Variants in KCNH7 observed in about 807,000 individuals in gnomAD.
KCNH7 encodes potassium voltage-gated channel subfamily H member 7, also known as voltage-gated inwardly rectifying potassium channel KCNH7.
KCNH7 carries 49 observed loss-of-function variants against 120.8 expected under a neutral mutation model. The observed-to-expected ratio is 0.41, with a 90% CI of 0.32 to 0.51. The LOEUF (loss-of-function observed/expected upper bound fraction) is 0.51. KCNH7 is among the 20% of genes least tolerant of loss of function. The probability of loss-of-function intolerance (pLI) is 0.38; values close to 1 mark genes in which losing one functional copy is unlikely to be tolerated. For missense variants in KCNH7, 1,097 were observed against 1,446.6 expected, an observed-to-expected ratio of 0.76 and a Z score of 3.92; for synonymous variants, 547 against 516.1, an observed-to-expected ratio of 1.06 and a Z score of -0.81.
intron 9 of KCNH7, among the ~76,000 whole-genome samples, chr2:162,405,579 T>A (rs1424755292): frequency 6.6e-6 from 1 of 151,972 alleles, no homozygotes; most frequent in Non-Finnish European, 1.5e-5. Context: ...TGGCATACAA[T>A]TATAATATTG....
chr2:162,663,934 A>C (rs1354467564), intron 2 of KCNH7, among the ~76,000 whole-genome samples: 1 of 152,154 alleles, frequency 6.6e-6, no homozygotes, highest in Non-Finnish European at 1.5e-5. Flanking sequence ...CAAATCTGCA[A>C]TATTTTCTGT....
At chr2:162,625,867 C>T (rs1415077408) in intron 2 of KCNH7, among the ~76,000 whole-genome samples, 1 of 152,060 alleles carries the variant, frequency 6.6e-6, no homozygotes, top group Non-Finnish European at 1.5e-5. Flanking sequence ...AGTCTTTGGT[C>T]ACCTGGGGGA....
In KCNH7 at chr2:162,820,450, G is replaced by A. The variant is rs967171737; in HGVS notation, c.307+16087C>T. ...AGTCAACAGGAAAATAGGCAATTAGGTGTGAAAGGTATAATTCCTTATACC... is the reference window on the plus strand; with the variant it reads ...AGTCAACAGGAAAATAGGCAATTAGATGTGAAAGGTATAATTCCTTATACC... On this transcript the variant is annotated intron_variant, in intron 2 of 15. Coordinates refer to ENST00000332142, the MANE Select transcript of KCNH7 (RefSeq NM_033272.4). 2.0e-5 allele frequency among the ~76,000 whole-genome samples: 3 copies of A among 151,994 alleles called. No individual in the cohort carries two copies. The East Asian group carries it at 5.8e-4, about 29-fold the overall frequency.
intron 2 of KCNH7, among the ~76,000 whole-genome samples, chr2:162,819,385 G>A (rs756882922): frequency 2.0e-5 from 3 of 152,152 alleles, no homozygotes; most frequent in Non-Finnish European, 2.9e-5. Context: ...AAATAGCAAT[G>A]TGTATACACA....
At chr2:162,613,347 T>G in intron 2 of KCNH7, among the ~76,000 whole-genome samples, 1 of 151,962 alleles carries the variant, frequency 6.6e-6, no homozygotes, top group East Asian at 1.9e-4. Context: ...AAAGAAAATA[T>G]TGTCACATAG....
intron 2 of KCNH7, among the ~76,000 whole-genome samples, chr2:162,753,753 C>A (rs1455340994): frequency 6.6e-6 from 1 of 152,050 alleles, no homozygotes; most frequent in Non-Finnish European, 1.5e-5. Context: ...CCCTTCTTTG[C>A]TGTAAGATTT....
chr2:162,712,938 G>C (rs1270887325), intron 2 of KCNH7, among the ~76,000 whole-genome samples: 1 of 152,154 alleles, frequency 6.6e-6, no homozygotes, highest in South Asian at 2.1e-4. Context: ...TAGCTACCTG[G>C]CTGTAATCAC....
intron 2 of KCNH7, among the ~76,000 whole-genome samples, chr2:162,727,576 C>T (rs1687577405): frequency 6.6e-6 from 1 of 152,152 alleles, no homozygotes; most frequent in Non-Finnish European, 1.5e-5. Context: ...ACATAGAATA[C>T]TACTGACTAT....
chr2:162,837,610 T>C (rs538186783), intron 1 of KCNH7, among the ~76,000 whole-genome samples: 1 of 152,256 alleles, frequency 6.6e-6, no homozygotes, highest in South Asian at 2.1e-4. Flanking sequence ...GCAAAATATA[T>C]GGCATACAAA....
Position 162,520,897 on chromosome 2 carries a change from C to T in KCNH7, c.464-2739G>A, listed in dbSNP as rs183020640. 2.8e-3 allele frequency among the ~76,000 whole-genome samples: 429 copies of T among 151,998 alleles called. 3 individuals carry two copies. The highest frequency in any genetic ancestry group is 0.01 in the African/African-American group (417 of 41,538). ...CAAAACTCTCTCCATCCTGCAGCTTCATCTCTGTTCTTTGCTCTCTAGAAT... is the reference window on the plus strand; with the variant it reads ...CAAAACTCTCTCCATCCTGCAGCTTTATCTCTGTTCTTTGCTCTCTAGAAT... On this transcript the variant is annotated intron_variant, in intron 3 of 15. Transcript: ENST00000332142.
At position 162,552,496 on chromosome 2, in the gene KCNH7, A is replaced by G. The variant is rs7607364; in HGVS notation, c.308-15416T>C. Among the ~76,000 whole-genome samples the G allele has an allele frequency of 5.0e-3, 759 of 152,346 alleles. 8 individuals are homozygous for G. The highest frequency in any genetic ancestry group is 0.017 in the African/African-American group (715 of 41,580). Reference sequence around the variant, plus strand: ...AGGCAAAATTCTAAGATGGTCCCCAAGATTTCATTCCTCTGTCATACAGAT... The same window carrying G: ...AGGCAAAATTCTAAGATGGTCCCCAGGATTTCATTCCTCTGTCATACAGAT... On this transcript the variant is annotated intron_variant, in intron 2 of 15. Coordinates refer to ENST00000332142, the MANE Select transcript of KCNH7 (RefSeq NM_033272.4).
intron 6 of KCNH7, among the ~76,000 whole-genome samples, chr2:162,457,999 T>G (rs368708267): frequency 2.0e-5 from 3 of 152,266 alleles, no homozygotes; most frequent in South Asian, 4.1e-4. Flanking sequence ...AGGAAGTCAT[T>G]TTTTAATTGA....
intron 2 of KCNH7, among the ~76,000 whole-genome samples, chr2:162,596,839 A>G (rs1376052260): frequency 6.6e-6 from 1 of 152,068 alleles, no homozygotes; most frequent in Non-Finnish European, 1.5e-5. Context: ...ATATACAAGG[A>G]ACTCAAACAA....
At chr2:162,402,304 C>T (rs890272050) in intron 9 of KCNH7, among the ~76,000 whole-genome samples, 2 of 150,118 alleles carry the variant, frequency 1.3e-5, no homozygotes, top group Non-Finnish European at 3.0e-5. Flanking sequence ...ACCATTTAAA[C>T]CACTTCATTG....
intron 2 of KCNH7, among the ~76,000 whole-genome samples, chr2:162,749,163 T>C (rs1480638375): frequency 1.3e-5 from 2 of 151,644 alleles, no homozygotes; most frequent in Non-Finnish European, 2.9e-5. Flanking sequence ...CCCTCCATTT[T>C]CCACCCCTTT....
intron 8 of KCNH7, among the ~76,000 whole-genome samples, chr2:162,433,536 C>G (rs900194506): frequency 6.6e-6 from 1 of 152,020 alleles, no homozygotes; most frequent in Non-Finnish European, 1.5e-5. Context: ...ATAAAGGACT[C>G]CCTATTCAAT....
chr2:162,715,028 A>G (rs779867526), intron 2 of KCNH7, among the ~76,000 whole-genome samples: 1 of 152,206 alleles, frequency 6.6e-6, no homozygotes, highest in Non-Finnish European at 1.5e-5. Context: ...TGTAAAATGT[A>G]TTATACGAAG....
chr2:162,420,345 T>C (rs1687663445), intron 9 of KCNH7, among the ~76,000 whole-genome samples: 1 of 152,098 alleles, frequency 6.6e-6, no homozygotes, highest in Non-Finnish European at 1.5e-5. Flanking sequence ...TGCTGCACTC[T>C]AGGCTGGGAA....
intron 9 of KCNH7, among the ~76,000 whole-genome samples, chr2:162,405,636 C>T (rs544474092): frequency 2.0e-5 from 3 of 151,748 alleles, no homozygotes; most frequent in East Asian, 1.9e-4. Flanking sequence ...TTTCTTGTGC[C>T]GAGTAATGAA....
Sources: gnomAD v4.1 joint callset for allele counts (sites outside exome capture counted in the v4.1 genomes callset) on GRCh38, gnomAD v4.1.1 for gene constraint, MANE v1.5 for transcripts, NCBI Gene and HGNC (gene_info 2026-07-23, HGNC 2026-07-21) for gene names.